SCIN: variants seen among roughly 807,000 people sequenced by gnomAD.
SCIN encodes scinderin.
Under a neutral mutation model 91.8 loss-of-function variants are expected in SCIN, and 91 were observed. The ratio of observed to expected loss-of-function variants is 0.99; its 90% CI spans 0.84 to 1.18. The LOEUF is 1.18. Ranked by LOEUF, SCIN falls within the 50% of genes most tolerant of loss-of-function variation. SCIN has a pLI of 0.00. For synonymous variants in SCIN, 367 were observed against 312.6 expected (o/e 1.17, Z -1.84); for missense variants, 1,087 against 863.9 (o/e 1.26, Z -3.24).
At position 12,640,462 on chromosome 7, in the gene SCIN, C is replaced by G. The variant is rs760163487; in HGVS notation, c.1526C>G (p.Pro509Arg). The G allele has an allele frequency of 6.2e-6, 10 of 1,613,138 alleles. No individual in the cohort carries two copies. Among genetic ancestry groups the G allele is most frequent in the Admixed American group, 1.7e-5 (1 of 59,908 alleles). Residue 509 changes from proline to arginine, a missense_variant, in exon 11 of 16, where the codon CCT (proline) becomes CGT (arginine). Transcript: ENST00000297029. ...SKKGGQAPAP[P>R]TRLFQVRRNL... ...AAAGGAGGTCAGGCACCTGCTCCCC[C>G]TACACGCCTCTTTCAAGTCCGGAGA...
chr7:12,636,396 C>T (rs1343078501), intron 10 of SCIN, among the ~76,000 whole-genome samples: 2 of 152,150 alleles, frequency 1.3e-5, no homozygotes, highest in South Asian at 2.1e-4. Context: ...GAATCACACC[C>T]TATGTCAATG....
chr7:12,640,064 T>G (rs1484157298), intron 10 of SCIN, among the ~76,000 whole-genome samples: 1 of 152,192 alleles, frequency 6.6e-6, no homozygotes, highest in African/African-American at 2.4e-5. Flanking sequence ...GACTTACATC[T>G]TCATACTTTT....
intron 4 of SCIN, among the ~76,000 whole-genome samples, chr7:12,612,295 G>C (rs760973987): frequency 1.3e-5 from 2 of 152,132 alleles, no homozygotes; most frequent in Non-Finnish European, 2.9e-5. Flanking sequence ...TATTATGAGA[G>C]TCATTGGGAA....
intron 13 of SCIN, among the ~76,000 whole-genome samples, chr7:12,646,538 A>G (rs748750729): frequency 4.6e-5 from 7 of 152,200 alleles, no homozygotes; most frequent in Admixed American, 3.3e-4. Context: ...CAAACATCCA[A>G]TACAAAAGAA....
intron 9 of SCIN, among the ~76,000 whole-genome samples, chr7:12,633,965 GTT>G (rs10707073): frequency 4.0e-4 from 58 of 143,220 alleles, no homozygotes; most frequent in South Asian, 6.7e-4. Context: ...TTGTGTGCAT[GTT>G]TTTTTTTTTT....
intron 3 of SCIN, among the ~76,000 whole-genome samples, chr7:12,599,589 T>C (rs1258561950): frequency 6.6e-6 from 1 of 152,138 alleles, no homozygotes; most frequent in Non-Finnish European, 1.5e-5. Context: ...CATTAAGGAA[T>C]CTCCACACTG....
At chr7:12,602,300 A>G (rs1177806295) in intron 3 of SCIN, among the ~76,000 whole-genome samples, 1 of 152,336 alleles carries the variant, frequency 6.6e-6, no homozygotes, top group East Asian at 1.9e-4. Flanking sequence ...CATGCTTCAA[A>G]GGGCAAAAAG....
intron 3 of SCIN, among the ~76,000 whole-genome samples, 179 bp from the exon 4 acceptor site, chr7:12,604,335 A>G (rs1469085188): frequency 6.6e-6 from 1 of 152,166 alleles, no homozygotes; most frequent in African/African-American, 2.4e-5. Context: ...AAAACTGCTT[A>G]CTTTGTAATG....
intron 3 of SCIN, among the ~76,000 whole-genome samples, chr7:12,581,754 G>T (rs1431874717): frequency 6.6e-6 from 1 of 152,150 alleles, no homozygotes; most frequent in African/African-American, 2.4e-5. Context: ...TATTATATCT[G>T]ACTTATGTTT....
rs1242862924 is a variant in SCIN at position 12,604,503 on chromosome 7, C to G, written c.517-11C>G. ...ATTCTTAGGGTCAACAGATCTGTCTCTTTCTTTTAGGAAATTTATCAGTGG... is the reference window on the plus strand; with the variant it reads ...ATTCTTAGGGTCAACAGATCTGTCTGTTTCTTTTAGGAAATTTATCAGTGG... On this transcript the variant is annotated splice_polypyrimidine_tract_variant and intron_variant, in intron 3 of 15. Coordinates refer to ENST00000297029, the MANE Select transcript of SCIN (RefSeq NM_001112706.3). 1.9e-6 allele frequency: 3 copies of G among 1,551,302 alleles called. No individual in the cohort carries two copies. Among genetic ancestry groups the G allele is most frequent in the South Asian group, 1.2e-5 (1 of 84,026 alleles).
intron 6 of SCIN, 74 bp from the exon 7 acceptor site, chr7:12,625,688 A>T (rs1451501496): frequency 9.6e-7 from 1 of 1,046,608 alleles, no homozygotes; most frequent in African/African-American, 1.6e-5. Flanking sequence ...TTATTATGGT[A>T]CACAAGTATT....
chr7:12,631,297 G>A (rs1469852792), intron 9 of SCIN, among the ~76,000 whole-genome samples: 1 of 152,176 alleles, frequency 6.6e-6, no homozygotes, highest in Non-Finnish European at 1.5e-5. Context: ...GTGCCTTCAG[G>A]AGCTTATACG....
At chr7:12,573,115 C>G (rs1583268716) in intron 1 of SCIN, among the ~76,000 whole-genome samples, 1 of 152,090 alleles carries the variant, frequency 6.6e-6, no homozygotes, top group African/African-American at 2.4e-5. Flanking sequence ...TGGGATTGCC[C>G]AACAGCTCTT....
intron 1 of SCIN, 122 bp from the exon 2 acceptor site, chr7:12,577,942 G>A: frequency 3.8e-6 from 3 of 796,184 alleles, no homozygotes. Context: ...AGATCTTTGT[G>A]TAGAAGACTG....
intron 4 of SCIN, among the ~76,000 whole-genome samples, chr7:12,610,070 C>G (rs1783160717): frequency 6.6e-6 from 1 of 152,182 alleles, no homozygotes; most frequent in Non-Finnish European, 1.5e-5. Context: ...AGAGCATGGT[C>G]TGAATAACAC....
rs1216945652 is a variant in SCIN, at chr7:12,658,596, T to C, written c.*5881T>C. On this transcript the variant is annotated 3_prime_UTR_variant, in exon 16 of 16. Coordinates refer to ENST00000297029, the MANE Select transcript of SCIN (RefSeq NM_001112706.3). The stretch of plus-strand genomic sequence containing the variant: ...TGAAACAAGAAAGGGAGGCAACTGA[T>C]GTTGTTTGATTATCTCCATTATTTT... 1 of 152,156 alleles carries C rather than the reference T, an allele frequency of 6.6e-6. No homozygotes were observed. The highest frequency in any genetic ancestry group is 1.5e-5 in the Non-Finnish European group (1 of 68,024). The allele number at this position is 152,156 out of a possible 1,614,324, so 9.4% of individuals were successfully genotyped here. A position where few individuals can be genotyped will look rare whatever the true frequency, so the allele number is the denominator to read the frequency against.
chr7:12,612,669 T>C (rs1783219592), intron 4 of SCIN, among the ~76,000 whole-genome samples: 1 of 152,206 alleles, frequency 6.6e-6, no homozygotes, highest in South Asian at 2.1e-4. Flanking sequence ...TTCAAGACAC[T>C]ATTCATTCCT....
intron 2 of SCIN, among the ~76,000 whole-genome samples, chr7:12,580,753 C>T (rs17283696): frequency 0.39 from 58,923 of 152,066 alleles, 11,672 homozygotes; most frequent in Middle Eastern, 0.48. Flanking sequence ...GTCCAAAGGG[C>T]AAGAGCTATG....
intron 9 of SCIN, among the ~76,000 whole-genome samples, chr7:12,635,611 C>CAAAAAAAAAAAAAA (rs59324421): frequency 1.7e-4 from 1 of 5,856 alleles, no homozygotes; most frequent in African/African-American, 3.4e-4. Context: ...GACTCCGTCT[C>CAAAAAAAAAAAAAA]AAAAAAAAAA....
Sources: allele counts gnomAD v4.1 joint callset (sites outside exome capture counted in the v4.1 genomes callset), GRCh38; gene constraint gnomAD v4.1.1; transcripts MANE v1.5; gene names NCBI Gene and HGNC (gene_info 2026-07-23, HGNC 2026-07-21).